The following SLC22A23 variants were observed in gnomAD, a reference collection of about 807,000 sequenced individuals.
SLC22A23 encodes the protein ion transporter protein.
A neutral mutation model predicts 61.0 loss-of-function variants in SLC22A23; 26 were observed. The ratio of observed to expected loss-of-function variants is 0.43; its 90% CI spans 0.31 to 0.59. The LOEUF is 0.59. Ranked by LOEUF, SLC22A23 falls within the 20% of genes least tolerant of loss-of-function variation. The probability of loss-of-function intolerance (pLI) is 0.11; values close to 1 mark genes in which losing one functional copy is unlikely to be tolerated. For synonymous variants in SLC22A23, 430 were observed against 413.9 expected, an observed-to-expected ratio of 1.04 and a Z score of -0.47; for missense variants, 796 against 934.7, an observed-to-expected ratio of 0.85 and a Z score of 1.94.
chr6:3,364,729 G>A (rs1483099413), intron 3 of SLC22A23, among the ~76,000 whole-genome samples: 3 of 152,232 alleles, frequency 2.0e-5, no homozygotes. Context: ...CAGGAGAAGC[G>A]CAGCATGGAG....
chr6:3,278,474 T>G (rs924423591), intron 9 of SLC22A23, among the ~76,000 whole-genome samples: 2 of 152,270 alleles, frequency 1.3e-5, no homozygotes, highest in Non-Finnish European at 2.9e-5. Context: ...TGCATCTTTC[T>G]GTCACTATTT....
At chr6:3,363,912 A>C (rs1388888543) in intron 3 of SLC22A23, among the ~76,000 whole-genome samples, 2 of 152,182 alleles carry the variant, frequency 1.3e-5, no homozygotes, top group Non-Finnish European at 2.9e-5. Flanking sequence ...TGACCCTCAC[A>C]GGCATGAGTT....
chr6:3,413,353 C>G (rs1269221288), intron 2 of SLC22A23, among the ~76,000 whole-genome samples: 1 of 152,198 alleles, frequency 6.6e-6, no homozygotes, highest in East Asian at 1.9e-4. Context: ...ACTCTCTTCT[C>G]CCCTGAGGAT....
chr6:3,447,587 T>TC (rs1561989899), intron 1 of SLC22A23, among the ~76,000 whole-genome samples: 3 of 145,884 alleles, frequency 2.1e-5, no homozygotes, highest in Non-Finnish European at 3.0e-5. Context: ...AACTTTCTTT[T>TC]TTTTTTTTTT....
At position 3,325,771 on chromosome 6, in the gene SLC22A23, A is replaced by G. The variant is rs76530487; in HGVS notation, c.914-1769T>C. Among the ~76,000 whole-genome samples, 6 of 152,372 alleles carry G rather than the reference A, an allele frequency of 3.9e-5. No individual in the cohort carries two copies. The East Asian group carries it at 1.2e-3, about 29-fold the overall frequency. On this transcript the variant is annotated intron_variant, in intron 3 of 9. Coordinates refer to ENST00000406686, the MANE Select transcript of SLC22A23 (RefSeq NM_015482.2). Reference sequence around the variant, plus strand: ...TGGCTGCTATGGAAACCAGAAATCTATATTAGCCACGGTAAATTCAGTGTT... The same window carrying G: ...TGGCTGCTATGGAAACCAGAAATCTGTATTAGCCACGGTAAATTCAGTGTT...
chr6:3,348,619 A>T (rs1057328112), intron 3 of SLC22A23, among the ~76,000 whole-genome samples: 11 of 152,186 alleles, frequency 7.2e-5, no homozygotes, highest in African/African-American at 2.7e-4. Context: ...CATTCCCGGC[A>T]CGGAGCTGGG....
intron 3 of SLC22A23, among the ~76,000 whole-genome samples, chr6:3,379,051 T>C (rs976118108): frequency 2.6e-5 from 4 of 152,176 alleles, no homozygotes; most frequent in Non-Finnish European, 5.9e-5. Flanking sequence ...GGGAGAGTTG[T>C]CTGGGCCTCC....
intron 4 of SLC22A23, among the ~76,000 whole-genome samples, chr6:3,320,396 G>A (rs1762879780): frequency 6.6e-6 from 1 of 152,144 alleles, no homozygotes; most frequent in African/African-American, 2.4e-5. Flanking sequence ...TGGGGACCGT[G>A]CCTCGTGCAG....
chr6:3,436,329 T>C (rs751688612), intron 1 of SLC22A23, among the ~76,000 whole-genome samples: 2 of 152,108 alleles, frequency 1.3e-5, no homozygotes, highest in Non-Finnish European at 2.9e-5. Flanking sequence ...AGAGATGGTG[T>C]TTCACTATGT....
intron 9 of SLC22A23, 117 bp downstream of exon 9, chr6:3,283,735 T>C (rs1158994512): frequency 1.3e-6 from 2 of 1,536,602 alleles, no homozygotes; most frequent in South Asian, 1.2e-5. Context: ...ACGAAGCTGA[T>C]GTGTCCAGAG....
At chr6:3,449,984 T>C (rs1416425975) in intron 1 of SLC22A23, among the ~76,000 whole-genome samples, 1 of 152,224 alleles carries the variant, frequency 6.6e-6, no homozygotes, top group Non-Finnish European at 1.5e-5. Flanking sequence ...AGTATCTCTA[T>C]GTACTGATGT....
chr6:3,394,260 C>T (rs980399206), intron 3 of SLC22A23, among the ~76,000 whole-genome samples: 2 of 152,090 alleles, frequency 1.3e-5, no homozygotes, highest in African/African-American at 2.4e-5. Context: ...GAACAAGATC[C>T]GTGTATCACA....
chr6:3,416,478 G>A (rs901225774), intron 1 of SLC22A23, among the ~76,000 whole-genome samples: 3 of 152,262 alleles, frequency 2.0e-5, no homozygotes, highest in Non-Finnish European at 2.9e-5. Flanking sequence ...TCCTTGGAGA[G>A]AAAGCCGGTC....
chr6:3,369,412 C>T (rs975309691), intron 3 of SLC22A23, among the ~76,000 whole-genome samples: 8 of 152,116 alleles, frequency 5.3e-5, no homozygotes, highest in Admixed American at 1.3e-4. Flanking sequence ...TGGAATAGGC[C>T]GGGCACGGTG....
At chr6:3,367,653 A>G (rs1765924223) in intron 3 of SLC22A23, among the ~76,000 whole-genome samples, 1 of 152,200 alleles carries the variant, frequency 6.6e-6, no homozygotes. Context: ...AGGTTGCCCA[A>G]AGTCACACAG....
chr6:3,438,831 C>G lies in SLC22A23; in HGVS notation c.654+17075G>C, dbSNP rs13213207. ...CTGCTGAGCTTTGTTTATTCCATAA[C>G]GAGCTCAGCAAACCCTTTCTTCACA... On this transcript the variant is annotated intron_variant, in intron 1 of 9. Coordinates refer to ENST00000406686, the MANE Select transcript of SLC22A23 (RefSeq NM_015482.2). Among the ~76,000 whole-genome samples the G allele has an allele frequency of 2.0e-5, 3 of 152,104 alleles. No individual in the cohort carries two copies. In the East Asian group the frequency reaches 5.8e-4, roughly 29 times the overall value.
intron 4 of SLC22A23, among the ~76,000 whole-genome samples, chr6:3,320,462 C>G (rs1487521762): frequency 1.3e-5 from 2 of 152,180 alleles, no homozygotes; most frequent in Non-Finnish European, 1.5e-5. Flanking sequence ...CTCAGAGATA[C>G]AGCACTCCAA....
chr6:3,345,164 T>A (rs1764351137), intron 3 of SLC22A23, among the ~76,000 whole-genome samples: 1 of 152,126 alleles, frequency 6.6e-6, no homozygotes, highest in Admixed American at 6.5e-5. Context: ...TTCAGTAGAC[T>A]CCTAGCATCA....
chr6:3,330,649 G>A lies in SLC22A23; in HGVS notation c.914-6647C>T, dbSNP rs556972966. Among the ~76,000 whole-genome samples, 1 of 152,348 alleles carries A rather than the reference G, an allele frequency of 6.6e-6. No homozygotes were observed. Among genetic ancestry groups the A allele is most frequent in the South Asian group, 2.1e-4 (1 of 4,826 alleles). Reference sequence around the variant, plus strand: ...ATTCCTTATTATAGCAGAAGGGCCTGAAATTGCCAGTCATGGAGACCCAAA... The same window carrying A: ...ATTCCTTATTATAGCAGAAGGGCCTAAAATTGCCAGTCATGGAGACCCAAA... On this transcript the variant is annotated intron_variant, in intron 3 of 9. Transcript: ENST00000406686. This position sits in a 1 kb window ranked among gnomAD's most constrained non-coding sequence, Gnocchi z 4.7.
Sources: gnomAD v4.1 joint callset for allele counts (sites outside exome capture counted in the v4.1 genomes callset) on GRCh38, gnomAD v4.1.1 for gene constraint, Gnocchi (gnomAD v3.1) non-coding constraint, MANE v1.5 for transcripts, NCBI Gene and HGNC (gene_info 2026-07-23, HGNC 2026-07-21) for gene names.